UNK: variants seen among roughly 807,000 people sequenced by gnomAD.
UNK encodes RING finger protein unkempt homolog.
Under a neutral mutation model 97.6 loss-of-function variants are expected in UNK, and 32 were observed. The observed-to-expected ratio is 0.33, with a 90% CI of 0.25 to 0.44. The LOEUF (loss-of-function observed/expected upper bound fraction) is 0.44. UNK is among the 20% of genes least tolerant of loss of function. The probability of loss-of-function intolerance (pLI) is 1.00; values close to 1 mark genes in which losing one functional copy is unlikely to be tolerated. For missense variants in UNK, 771 were observed against 1,098.4 expected (o/e 0.70, Z 4.21); for synonymous variants, 441 against 461.2 (o/e 0.96, Z 0.56).
chr17:75,800,496 T>C (rs2061846233), intron 1 of UNK, among the ~76,000 whole-genome samples: 1 of 151,514 alleles, frequency 6.6e-6, no homozygotes, highest in Admixed American at 6.6e-5. Flanking sequence ...CCCAGCACTT[T>C]GGGAGGCCGA....
At chr17:75,812,619 T>C (rs775991451) in intron 4 of UNK, 34 bp downstream of exon 4, 2 of 1,602,038 alleles carry the variant, frequency 1.2e-6, no homozygotes, top group Admixed American at 3.4e-5. Context: ...GCGCCCTCCC[T>C]ATAATCCTGC....
chr17:75,809,418 G>A (rs1326820645), intron 1 of UNK, among the ~76,000 whole-genome samples: 1 of 152,244 alleles, frequency 6.6e-6, no homozygotes, highest in Admixed American at 6.5e-5. Flanking sequence ...CTTATTTGCA[G>A]CCCTTTGCCT....
chr17:75,785,005 C>CG, intron 1 of UNK, 21 bp downstream of exon 1: 1 of 1,393,814 alleles, frequency 7.2e-7, no homozygotes, highest in Non-Finnish European at 9.4e-7. Flanking sequence ...CCCCCCCCCC[C>CG]CCGCCGCGCG....
At chr17:75,800,611 C>T (rs2061847711) in intron 1 of UNK, among the ~76,000 whole-genome samples, 1 of 151,416 alleles carries the variant, frequency 6.6e-6, no homozygotes, top group African/African-American at 2.4e-5. Context: ...GTGGCGGGCG[C>T]CTGTAATCCC....
intron 15 of UNK, 37 bp downstream of exon 15, chr17:75,823,559 G>A (rs369429234): frequency 3.7e-5 from 55 of 1,496,280 alleles, no homozygotes; most frequent in Non-Finnish European, 4.8e-5. Context: ...TGGGATGCAC[G>A]GTGGCCTCAG....
intron 1 of UNK, among the ~76,000 whole-genome samples, chr17:75,789,171 A>C (rs990407305): frequency 6.6e-6 from 1 of 152,152 alleles, no homozygotes; most frequent in Non-Finnish European, 1.5e-5. Context: ...TAATCCTTTC[A>C]GCAAATTGGT....
In UNK at chr17:75,818,862, T is replaced by C; in HGVS notation, c.1546+46T>C. 2 of 1,501,110 alleles carry C rather than the reference T, an allele frequency of 1.3e-6. No individual in the cohort carries two copies. Among genetic ancestry groups the C allele is most frequent in the African/African-American group, 2.8e-5 (2 of 71,154 alleles). The allele number at this position is 1,501,110 out of a possible 1,614,324, so 93.0% of individuals were successfully genotyped here. On this transcript the variant is annotated intron_variant, in intron 11 of 15. Transcript: ENST00000589666. The surrounding 1 kb of genome is among the most constrained non-coding windows in gnomAD (Gnocchi z 5.1). The stretch of plus-strand genomic sequence containing the variant: ...TGAAAGCCCAGGACTGGGTCTGGGG[T>C]CAGAGACCCCCCAGTCTCTGAAGCG...
chr17:75,821,555 AG>A, intron 13 of UNK: 1 of 454,086 alleles, frequency 2.2e-6, no homozygotes, highest in Non-Finnish European at 4.4e-6. Context: ...TGCATGCCAC[AG>A]GGTCTCCGCA....
At chr17:75,789,856 A>T (rs1331371852) in intron 1 of UNK, among the ~76,000 whole-genome samples, 1 of 152,114 alleles carries the variant, frequency 6.6e-6, no homozygotes, top group African/African-American at 2.4e-5. Context: ...GAAAGTGTAT[A>T]GCTGAGCAGG....
chr17:75,813,917 G>GT (rs773933769), intron 6 of UNK, 39 bp downstream of exon 6: 37 of 1,520,074 alleles, frequency 2.4e-5, no homozygotes, highest in Non-Finnish European at 3.3e-5. Flanking sequence ...GCTTTGGGAA[G>GT]TAAGGAGAGA....
intron 1 of UNK, among the ~76,000 whole-genome samples, chr17:75,809,513 G>A (rs1358321839): frequency 2.6e-5 from 4 of 152,254 alleles, no homozygotes; most frequent in Non-Finnish European, 4.4e-5. Context: ...TCAACACAGC[G>A]GACAGCTGAC....
intron 1 of UNK, among the ~76,000 whole-genome samples, chr17:75,791,167 A>G (rs1325418577): frequency 6.6e-6 from 1 of 152,142 alleles, no homozygotes; most frequent in Non-Finnish European, 1.5e-5. Context: ...TTTTCTGGCC[A>G]CTTGGTGATT....
chr17:75,788,195 T>G (rs79408093), intron 1 of UNK, among the ~76,000 whole-genome samples: 19,162 of 151,310 alleles, frequency 0.13, 1,139 homozygotes, highest in African/African-American at 0.15. Flanking sequence ...TTTTTTTTTT[T>G]TGGAGACAAA....
intron 13 of UNK, among the ~76,000 whole-genome samples, chr17:75,821,090 A>G (rs1216190055): frequency 1.3e-5 from 2 of 148,366 alleles, no homozygotes; most frequent in African/African-American, 5.0e-5. Context: ...TCTGTCACCC[A>G]GGCTGGAGTG....
chr17:75,786,584 T>TG (rs1264479214), intron 1 of UNK, among the ~76,000 whole-genome samples: 5 of 152,160 alleles, frequency 3.3e-5, no homozygotes, highest in African/African-American at 1.2e-4. Context: ...CTGCCGGGCG[T>TG]GGTAGCTCTC....
rs1599359184 is a variant in UNK at position 75,792,505 on chromosome 17, A to G, written c.104+7521A>G. 5 of 984,700 alleles carry G rather than the reference A, an allele frequency of 5.1e-6. No homozygotes were observed. The South Asian group carries it at 1.9e-4, about 37-fold the overall frequency. 61.0% of individuals were successfully genotyped at this position (984,700 alleles called of 1,614,324 possible). A position where few individuals can be genotyped will look rare whatever the true frequency, so the allele number is the denominator to read the frequency against. On this transcript the variant is annotated intron_variant, in intron 1 of 15. Transcript: ENST00000589666. ...TAAGTTTCTCTGCCATTCTTAGCCA[A>G]TATATAAAAATTACATTAGCCTAAT...
At chr17:75,808,543 C>A (rs1292679339) in intron 1 of UNK, among the ~76,000 whole-genome samples, 2 of 152,054 alleles carry the variant, frequency 1.3e-5, no homozygotes, top group East Asian at 3.9e-4. Context: ...CCAAAAACAC[C>A]TTCAAATTCT....
chr17:75,796,767 T>C (rs1024756556), intron 1 of UNK, among the ~76,000 whole-genome samples: 1 of 152,262 alleles, frequency 6.6e-6, no homozygotes, highest in African/African-American at 2.4e-5. Flanking sequence ...CTATCAGATT[T>C]GCAAAAATAA....
At position 75,784,871 on chromosome 17, in the gene UNK, A is replaced by C; in HGVS notation, c.-10A>C. ...AAAGGGGAGCGGCGAAGAGGCAGGA[A>C]GACAAGACCATGTCGAAGGGCCCCG... On this transcript the variant is annotated 5_prime_UTR_variant, in exon 1 of 16. Coordinates refer to ENST00000589666, the MANE Select transcript of UNK (RefSeq NM_001080419.3). 1 of 1,601,012 alleles carries C rather than the reference A, an allele frequency of 6.2e-7. No individual in the cohort carries two copies. The highest frequency in any genetic ancestry group is 1.1e-5 in the South Asian group (1 of 90,036).
Sources: allele counts gnomAD v4.1 joint callset (sites outside exome capture counted in the v4.1 genomes callset), GRCh38; gene constraint gnomAD v4.1.1; non-coding constraint Gnocchi (gnomAD v3.1); transcripts MANE v1.5; gene names NCBI Gene and HGNC (gene_info 2026-07-23, HGNC 2026-07-21).